Variants in SLCO5A1 observed in about 807,000 individuals in gnomAD.
The protein encoded by SLCO5A1 is solute carrier organic anion transporter family member 5A1, also known as organic anion transporter polypeptide-related protein 4.
SLCO5A1 carries 39 observed loss-of-function variants against 65.1 expected under a neutral mutation model. The observed-to-expected ratio is 0.60, with a 90% confidence interval of 0.46 to 0.78. The LOEUF (loss-of-function observed/expected upper bound fraction) is 0.78, where lower values mean the gene tolerates loss of function less well. Among genes scored for constraint, SLCO5A1 ranks in the 30% least tolerant of loss-of-function variants. The pLI is 0.00. For synonymous variants in SLCO5A1, 438 were observed against 415.7 expected (o/e 1.05, Z -0.65); for missense variants, 1,029 against 1,069.4 (o/e 0.96, Z 0.53).
At chr8:69,708,384 G>A (rs752560029) in intron 5 of SLCO5A1, among the ~76,000 whole-genome samples, 3 of 151,946 alleles carry the variant, frequency 2.0e-5, no homozygotes, top group Non-Finnish European at 2.9e-5. Flanking sequence ...TATAGTATTC[G>A]GTATATAATA....
intron 4 of SLCO5A1, among the ~76,000 whole-genome samples, chr8:69,745,360 T>TAAAGAGCCCTTCTAAAAGTAAAC (rs2130849989): frequency 6.6e-6 from 1 of 152,326 alleles, no homozygotes; most frequent in East Asian, 1.9e-4. Context: ...TATGTTCTTC[T>TAAAGAGCCCTTCTAAAAGTAAAC]AAAGAGCCCT....
chr8:69,680,734 A>G (rs893408954), intron 7 of SLCO5A1, among the ~76,000 whole-genome samples: 1 of 152,214 alleles, frequency 6.6e-6, no homozygotes, highest in Non-Finnish European at 1.5e-5. Flanking sequence ...AAGTTAATAT[A>G]CATTCTGGTG....
Position 69,832,567 on chromosome 8 carries a change from T to C in SLCO5A1, c.107A>G (p.Lys36Arg). 1 of 1,612,222 alleles carries C rather than the reference T, an allele frequency of 6.2e-7. No individual in the cohort carries two copies. The highest frequency in any genetic ancestry group is 8.5e-7 in the Non-Finnish European group (1 of 1,179,042). Residue 36 changes from lysine (K) to arginine (R), a missense_variant, in exon 2 of 10, where the codon AAG becomes AGG. Lys to Arg is a conservative substitution (Grantham distance 26). Transcript: ENST00000260126. The surrounding 1 kb of genome is among the most constrained non-coding windows in gnomAD (Gnocchi z 4.5). Reference protein sequence around the residue: ...ERCEPETLRSKSLPVLSSASC... With the variant: ...ERCEPETLRSRSLPVLSSASC... Reference sequence around the variant, plus strand: ...GGCGCTGCTGAGGACCGGTAAACTCTTAGACCTGAGGGTCTCCGGCTCGCA... The same window carrying C: ...GGCGCTGCTGAGGACCGGTAAACTCCTAGACCTGAGGGTCTCCGGCTCGCA...
chr8:69,684,857 G>C (rs1813939834), intron 6 of SLCO5A1, among the ~76,000 whole-genome samples: 1 of 152,066 alleles, frequency 6.6e-6, no homozygotes, highest in African/African-American at 2.4e-5. Context: ...ACAATGCACA[G>C]GAAGGCCCCC....
chr8:69,777,445 G>C (rs1042097734), intron 2 of SLCO5A1, among the ~76,000 whole-genome samples: 1 of 147,732 alleles, frequency 6.8e-6, no homozygotes, highest in Non-Finnish European at 1.5e-5. Context: ...ACCACTCTTG[G>C]CAATGTTGGA....
chr8:69,681,911 T>G (rs978456456), intron 7 of SLCO5A1, among the ~76,000 whole-genome samples: 2 of 152,064 alleles, frequency 1.3e-5, no homozygotes, highest in Non-Finnish European at 2.9e-5. Flanking sequence ...CTCAACCTTA[T>G]CAAGTTTCAC....
intron 5 of SLCO5A1, among the ~76,000 whole-genome samples, chr8:69,712,846 A>G (rs1815333985): frequency 7.0e-6 from 1 of 143,136 alleles, no homozygotes; most frequent in African/African-American, 2.6e-5. Flanking sequence ...TGAATTTATT[A>G]TATAAAATCT....
intron 5 of SLCO5A1, among the ~76,000 whole-genome samples, chr8:69,737,835 C>T (rs1030255717): frequency 3.3e-5 from 5 of 152,158 alleles, no homozygotes. Context: ...TCCCAAAACA[C>T]AGTTGGGAAA....
chr8:69,749,360 T>G (rs971517058), intron 4 of SLCO5A1, among the ~76,000 whole-genome samples: 9 of 152,186 alleles, frequency 5.9e-5, no homozygotes, highest in African/African-American at 2.2e-4. Flanking sequence ...GGCTCACACC[T>G]GTAATCCCAA....
chr8:69,672,860 T>C lies in SLCO5A1; in HGVS notation c.*9A>G, dbSNP rs770846861. Reference sequence around the variant, plus strand: ...AACCAACAAAACTAAATTCTTCCATTTTCAAGCTTCAGGAGGGCGGCTCCA... The same window carrying C: ...AACCAACAAAACTAAATTCTTCCATCTTCAAGCTTCAGGAGGGCGGCTCCA... On this transcript the variant is annotated 3_prime_UTR_variant, in exon 10 of 10. Coordinates refer to ENST00000260126, the MANE Select transcript of SLCO5A1 (RefSeq NM_030958.3). 6.3e-7 allele frequency: 1 copy of C among 1,582,092 alleles called. No individual in the cohort carries two copies. The highest frequency in any genetic ancestry group is 8.6e-7 in the Non-Finnish European group (1 of 1,164,382).
At chr8:69,778,769 T>C (rs894684643) in intron 2 of SLCO5A1, among the ~76,000 whole-genome samples, 2 of 152,200 alleles carry the variant, frequency 1.3e-5, no homozygotes, top group African/African-American at 4.8e-5. Context: ...GGACTTGTTT[T>C]ATTTGTTCTT....
chr8:69,779,791 A>C (rs1293529737), intron 2 of SLCO5A1, among the ~76,000 whole-genome samples: 1 of 152,154 alleles, frequency 6.6e-6, no homozygotes, highest in Admixed American at 6.5e-5. Flanking sequence ...AAGGTATCAA[A>C]ATTTTAATTA....
At chr8:69,686,647 C>T (rs1470180535) in intron 6 of SLCO5A1, among the ~76,000 whole-genome samples, 1 of 152,142 alleles carries the variant, frequency 6.6e-6, no homozygotes, top group Non-Finnish European at 1.5e-5. Flanking sequence ...AGTCACACAG[C>T]TAGTAAGGGT....
intron 9 of SLCO5A1, among the ~76,000 whole-genome samples, chr8:69,675,930 G>A (rs1428574691): frequency 6.6e-6 from 1 of 152,156 alleles, no homozygotes; most frequent in Non-Finnish European, 1.5e-5. Flanking sequence ...ACTGATCAAA[G>A]GAATGTTGTA....
At chr8:69,743,558 A>C (rs1816894443) in intron 4 of SLCO5A1, among the ~76,000 whole-genome samples, 1 of 152,174 alleles carries the variant, frequency 6.6e-6, no homozygotes, top group Non-Finnish European at 1.5e-5. Context: ...TGAAAGGTGC[A>C]ATCATCTTTT....
At chr8:69,808,157 TG>T (rs1483783616) in intron 2 of SLCO5A1, among the ~76,000 whole-genome samples, 1 of 151,756 alleles carries the variant, frequency 6.6e-6, no homozygotes, top group Non-Finnish European at 1.5e-5. Context: ...TTTTTTGTAA[TG>T]AAAGCTTTTT....
At chr8:69,698,960 C>T (rs1814609854) in intron 6 of SLCO5A1, among the ~76,000 whole-genome samples, 1 of 152,056 alleles carries the variant, frequency 6.6e-6, no homozygotes, top group South Asian at 2.1e-4. Flanking sequence ...AGCAAGCAGT[C>T]CAATGTGAAG....
intron 5 of SLCO5A1, among the ~76,000 whole-genome samples, chr8:69,730,997 T>C (rs1217122116): frequency 1.3e-5 from 2 of 150,102 alleles, no homozygotes; most frequent in African/African-American, 5.0e-5. Context: ...CAAAAGTAAT[T>C]GCAATTTTTT....
chr8:69,806,618 T>A (rs1195485798), intron 2 of SLCO5A1, among the ~76,000 whole-genome samples: 3 of 152,184 alleles, frequency 2.0e-5, no homozygotes, highest in Non-Finnish European at 4.4e-5. Context: ...AAGCCTAACA[T>A]CCAGGCTCAG....
Sources: gnomAD v4.1 joint callset for allele counts (sites outside exome capture counted in the v4.1 genomes callset) on GRCh38, gnomAD v4.1.1 for gene constraint, Gnocchi (gnomAD v3.1) non-coding constraint, MANE v1.5 for transcripts, NCBI Gene and HGNC (gene_info 2026-07-23, HGNC 2026-07-21) for gene names.